Variants in CTNNA2 observed in about 807,000 individuals in gnomAD.
CTNNA2 encodes catenin alpha-2.
A neutral mutation model predicts 101.0 loss-of-function variants in CTNNA2; 42 were observed. The ratio of observed to expected loss-of-function variants is 0.42; its 90% CI spans 0.32 to 0.54. CTNNA2 has a LOEUF of 0.54. CTNNA2 is among the 20% of genes least tolerant of loss of function. The probability of loss-of-function intolerance (pLI) is 0.14; values close to 1 mark genes in which losing one functional copy is unlikely to be tolerated. For missense variants in CTNNA2, 871 were observed against 1,223.1 expected, an observed-to-expected ratio of 0.71 and a Z score of 4.29; for synonymous variants, 450 against 456.4, an observed-to-expected ratio of 0.99 and a Z score of 0.18.
intron 7 of CTNNA2, among the ~76,000 whole-genome samples, chr2:80,297,072 A>T (rs1558978720): frequency 6.6e-6 from 1 of 152,216 alleles, no homozygotes; most frequent in Non-Finnish European, 1.5e-5. Context: ...ACCCCGGAGA[A>T]GTCTCCTCTA....
chr2:80,221,684 T>A (rs1708583814), intron 7 of CTNNA2, among the ~76,000 whole-genome samples: 1 of 152,202 alleles, frequency 6.6e-6, no homozygotes, highest in South Asian at 2.1e-4. Flanking sequence ...AGGGTGGAAA[T>A]GGATCCGATG....
chr2:79,222,629 C>G (rs540571435), intron 2 of CTNNA2, among the ~76,000 whole-genome samples: 29 of 152,310 alleles, frequency 1.9e-4, no homozygotes, highest in East Asian at 5.8e-4. Flanking sequence ...TCAAGGGTAA[C>G]TTTCTCCCTC....
At chr2:80,528,945 A>G (rs1690282115) in intron 9 of CTNNA2, among the ~76,000 whole-genome samples, 1 of 152,238 alleles carries the variant, frequency 6.6e-6, no homozygotes, top group Non-Finnish European at 1.5e-5. Context: ...GGGGTTATGT[A>G]AACATAAATA....
chr2:80,126,233 G>T (rs1389059563), intron 7 of CTNNA2, among the ~76,000 whole-genome samples: 1 of 152,118 alleles, frequency 6.6e-6, no homozygotes, highest in Admixed American at 6.5e-5. Context: ...CATGGTGTCT[G>T]GTTAATAGTG....
chr2:79,429,984 A>G (rs1678639060), intron 4 of CTNNA2, among the ~76,000 whole-genome samples: 1 of 152,272 alleles, frequency 6.6e-6, no homozygotes, highest in Non-Finnish European at 1.5e-5. Context: ...AAAGTGTTAT[A>G]TCATTTTTAA....
intron 4 of CTNNA2, among the ~76,000 whole-genome samples, chr2:79,451,239 A>G (rs533871123): frequency 2.0e-5 from 3 of 152,248 alleles, no homozygotes; most frequent in African/African-American, 7.2e-5. Context: ...GTGATTGCCA[A>G]ATGTGTTCAA....
At chr2:79,213,017 G>A (rs1240409244) in intron 2 of CTNNA2, among the ~76,000 whole-genome samples, 1 of 152,146 alleles carries the variant, frequency 6.6e-6, no homozygotes, top group Non-Finnish European at 1.5e-5. Context: ...AGGAAATGAC[G>A]ACAGAATAGA....
chr2:79,389,327 T>A (rs995199158), intron 4 of CTNNA2, among the ~76,000 whole-genome samples: 1 of 152,180 alleles, frequency 6.6e-6, no homozygotes, highest in African/African-American at 2.4e-5. Flanking sequence ...GCAGCCTGAA[T>A]GTCAAGCAGA....
Position 79,801,837 on chromosome 2 carries a change from T to C in CTNNA2, c.299-56176T>C, listed in dbSNP as rs568769917. Among the ~76,000 whole-genome samples, 3 of 151,102 alleles carry C rather than the reference T, an allele frequency of 2.0e-5. No individual in the cohort carries two copies. The South Asian group carries it at 6.3e-4, about 32-fold the overall frequency. ...GGAAACCCCTTCTCTACTAAAAATATAAAAATTAGCCAGGCGTGGTGGCAC... is the reference window on the plus strand; with the variant it reads ...GGAAACCCCTTCTCTACTAAAAATACAAAAATTAGCCAGGCGTGGTGGCAC... On this transcript the variant is annotated intron_variant, in intron 3 of 18. Transcript: ENST00000402739.
intron 12 of CTNNA2, among the ~76,000 whole-genome samples, chr2:80,560,709 A>T (rs1693507653): frequency 6.6e-6 from 1 of 152,098 alleles, no homozygotes; most frequent in Non-Finnish European, 1.5e-5. Context: ...GTTTATTGAG[A>T]TTCACCTTTA....
intron 7 of CTNNA2, among the ~76,000 whole-genome samples, chr2:80,135,462 C>A (rs1174638621): frequency 6.6e-6 from 1 of 152,130 alleles, no homozygotes; most frequent in Non-Finnish European, 1.5e-5. Flanking sequence ...TTGTTACAGA[C>A]AGAATTCAGA....
rs1227492808 is a variant in CTNNA2 at position 80,347,993 on chromosome 2, G to A, written c.1057-45218G>A. Among the ~76,000 whole-genome samples the A allele has an allele frequency of 2.0e-5, 3 of 151,940 alleles. No homozygotes were observed. In the South Asian group the frequency reaches 6.2e-4, roughly 32 times the overall value. On this transcript the variant is annotated intron_variant, in intron 7 of 18. Transcript: ENST00000402739. Reference sequence around the variant, plus strand: ...ATTTTATTGGTATGGGATTCAGTTCGATCATGATGGGTTTCCAAAGCTCCC... The same window carrying A: ...ATTTTATTGGTATGGGATTCAGTTCAATCATGATGGGTTTCCAAAGCTCCC...
At chr2:80,006,274 G>C (rs1033044251) in intron 7 of CTNNA2, among the ~76,000 whole-genome samples, 1 of 150,224 alleles carries the variant, frequency 6.7e-6, no homozygotes, top group African/African-American at 2.5e-5. Flanking sequence ...AGTGTATTAA[G>C]TCTATCAGTC....
chr2:79,642,047 G>A (rs1002078190), intron 1 of CTNNA2, among the ~76,000 whole-genome samples: 3 of 152,084 alleles, frequency 2.0e-5, no homozygotes, highest in Non-Finnish European at 4.4e-5. Context: ...TATATTTGTG[G>A]TAACATTTTG....
At position 80,011,154 on chromosome 2, in the gene CTNNA2, A is replaced by T. The variant is rs918587108; in HGVS notation, c.1056+101357A>T. Among the ~76,000 whole-genome samples the T allele has an allele frequency of 3.3e-5, 5 of 152,274 alleles. No homozygotes were observed. In the East Asian group the frequency reaches 7.7e-4, roughly 24 times the overall value. ...AAATAGTCCATGCTTATTATTATTT[A>T]AAAAACCTAGAGTCCTTCCAAAATG... On this transcript the variant is annotated intron_variant, in intron 7 of 18. Coordinates refer to ENST00000402739, the MANE Select transcript of CTNNA2 (RefSeq NM_001282597.3).
At chr2:79,479,240 G>C (rs1469549399) in intron 4 of CTNNA2, among the ~76,000 whole-genome samples, 1 of 152,140 alleles carries the variant, frequency 6.6e-6, no homozygotes. Context: ...CTAGACTTGA[G>C]CTATGAGACA....
intron 7 of CTNNA2, among the ~76,000 whole-genome samples, chr2:80,084,870 G>A (rs929098361): frequency 6.6e-6 from 1 of 152,034 alleles, no homozygotes; most frequent in Non-Finnish European, 1.5e-5. Flanking sequence ...AAATTGTGAA[G>A]GCTAGTTTGG....
In CTNNA2 at chr2:79,272,125, C is replaced by T. The variant is rs111576417; in HGVS notation, c.-405-40584C>T. 5.8e-3 allele frequency among the ~76,000 whole-genome samples: 877 copies of T among 152,118 alleles called. 5 individuals are homozygous for T. Among genetic ancestry groups the T allele is most frequent in the African/African-American group, 0.02 (824 of 41,536 alleles). ...CCTCTGTTAGCTTTTCTAAGACTTA[C>T]GATACCCCTTTTATAAAGTTGGTGA... is the stretch of plus-strand genomic sequence containing the variant. On this transcript the variant is annotated intron_variant, in intron 2 of 21. Transcript: ENST00000466387.
chr2:79,319,006 C>T (rs184229771), intron 3 of CTNNA2, among the ~76,000 whole-genome samples: 106 of 152,198 alleles, frequency 7.0e-4, no homozygotes, highest in Admixed American at 1.2e-3. Context: ...TTTCTGGTGA[C>T]GGCTGAGGCT....
Sources: gnomAD v4.1 joint callset for allele counts (sites outside exome capture counted in the v4.1 genomes callset) on GRCh38, gnomAD v4.1.1 for gene constraint, MANE v1.5 for transcripts, NCBI Gene and HGNC (gene_info 2026-07-23, HGNC 2026-07-21) for gene names.